Variants in MYO1D observed in about 807,000 individuals in gnomAD.
The protein encoded by MYO1D is myosin ID.
Under a neutral mutation model 122.0 loss-of-function variants are expected in MYO1D, and 83 were observed. That is an observed-to-expected ratio of 0.68 (90% CI 0.57 to 0.82). The LOEUF (loss-of-function observed/expected upper bound fraction) is 0.82. Ranked by LOEUF, MYO1D falls within the 40% of genes least tolerant of loss-of-function variation. MYO1D has a pLI of 0.00. For missense variants in MYO1D, 1,157 were observed against 1,269.5 expected, an observed-to-expected ratio of 0.91 and a Z score of 1.35; for synonymous variants, 464 against 446.9, an observed-to-expected ratio of 1.04 and a Z score of -0.48.
chr17:32,637,561 C>T (rs773288426), intron 20 of MYO1D, among the ~76,000 whole-genome samples: 1 of 152,122 alleles, frequency 6.6e-6, no homozygotes, highest in Non-Finnish European at 1.5e-5. Context: ...ATCCCAGCTA[C>T]TCAGGAGGCA....
intron 20 of MYO1D, among the ~76,000 whole-genome samples, chr17:32,618,268 C>T (rs544549711): frequency 6.6e-6 from 1 of 152,258 alleles, no homozygotes; most frequent in South Asian, 2.1e-4. Flanking sequence ...TTATTCAGGT[C>T]AAGGAAAATA....
intron 1 of MYO1D, among the ~76,000 whole-genome samples, chr17:32,849,704 C>T (rs1201333598): frequency 6.6e-6 from 1 of 151,776 alleles, no homozygotes; most frequent in Non-Finnish European, 1.5e-5. Flanking sequence ...GGGAGATATA[C>T]CTAATGCTAG....
At chr17:32,781,505 G>A (rs1426899293) in intron 1 of MYO1D, among the ~76,000 whole-genome samples, 1 of 152,086 alleles carries the variant, frequency 6.6e-6, no homozygotes. Flanking sequence ...TATTTTTAAA[G>A]TATATATAAT....
chr17:32,803,609 T>C (rs1370999382), intron 1 of MYO1D, among the ~76,000 whole-genome samples: 1 of 152,206 alleles, frequency 6.6e-6, no homozygotes, highest in Non-Finnish European at 1.5e-5. Context: ...GTAATAATCA[T>C]TCCCAGTTAA....
intron 1 of MYO1D, among the ~76,000 whole-genome samples, chr17:32,867,013 C>T (rs113593260): frequency 0.034 from 5,230 of 152,208 alleles, 301 homozygotes; most frequent in African/African-American, 0.12. Context: ...ATATTGTCAT[C>T]AGTTCTCTTT....
At chr17:32,642,366 A>T (rs1273515711) in intron 19 of MYO1D, among the ~76,000 whole-genome samples, 2 of 152,166 alleles carry the variant, frequency 1.3e-5, no homozygotes, top group Admixed American at 1.3e-4. Flanking sequence ...AGGTAGCGTG[A>T]CGCCTCCAGC....
At chr17:32,788,116 T>G (rs1375901247) in intron 1 of MYO1D, among the ~76,000 whole-genome samples, 2 of 152,208 alleles carry the variant, frequency 1.3e-5, no homozygotes, top group Non-Finnish European at 2.9e-5. Flanking sequence ...AGATACCCAG[T>G]AGTGGGATTA....
At chr17:32,675,333 A>G (rs1401292214) in intron 16 of MYO1D, among the ~76,000 whole-genome samples, 1 of 152,216 alleles carries the variant, frequency 6.6e-6, no homozygotes, top group Non-Finnish European at 1.5e-5. Context: ...TATGGTCTTC[A>G]TAATTAATTA....
chr17:32,630,997 T>C (rs1458344551), intron 20 of MYO1D, among the ~76,000 whole-genome samples: 1 of 152,320 alleles, frequency 6.6e-6, no homozygotes, highest in South Asian at 2.1e-4. Flanking sequence ...CCAGTCATAC[T>C]GGATTAGGGC....
intron 1 of MYO1D, among the ~76,000 whole-genome samples, chr17:32,792,743 A>G (rs2050996553): frequency 1.3e-5 from 2 of 152,144 alleles, no homozygotes; most frequent in African/African-American, 4.8e-5. Context: ...CCTGGGCTCA[A>G]GTGGTTCTTC....
intron 7 of MYO1D, among the ~76,000 whole-genome samples, chr17:32,765,795 T>C (rs2090050073): frequency 6.6e-6 from 1 of 152,126 alleles, no homozygotes; most frequent in Non-Finnish European, 1.5e-5. Context: ...ACAATTGATT[T>C]TGGTACATGG....
intron 11 of MYO1D, among the ~76,000 whole-genome samples, chr17:32,749,859 G>A (rs2089880527): frequency 1.3e-5 from 2 of 152,172 alleles, no homozygotes; most frequent in Admixed American, 1.3e-4. Context: ...CCATACTGAA[G>A]GCTTACTAGT....
chr17:32,655,254 C>T (rs2088459805), intron 17 of MYO1D, among the ~76,000 whole-genome samples: 1 of 152,118 alleles, frequency 6.6e-6, no homozygotes, highest in African/African-American at 2.4e-5. Flanking sequence ...TTTCTAGGTG[C>T]CTGCTAAACT....
intron 11 of MYO1D, 37 bp from the exon 12 acceptor site, chr17:32,749,043 C>T (rs1338670427): frequency 6.4e-7 from 1 of 1,555,080 alleles, no homozygotes; most frequent in Non-Finnish European, 8.9e-7. Flanking sequence ...TGAAAACAGA[C>T]ATTTTTGCTT....
intron 15 of MYO1D, 69 bp from the exon 16 acceptor site, chr17:32,712,264 T>C: frequency 8.5e-6 from 12 of 1,409,710 alleles, no homozygotes; most frequent in Non-Finnish European, 1.2e-5. Context: ...AACTATTCAA[T>C]AAAATGCAAG....
intron 21 of MYO1D, chr17:32,602,789 T>A (rs1252961598): frequency 1.3e-5 from 2 of 152,192 alleles, no homozygotes; most frequent in African/African-American, 4.8e-5. Context: ...AACCTTTGGA[T>A]TTCCATAATT....
intron 1 of MYO1D, among the ~76,000 whole-genome samples, chr17:32,797,163 G>T (rs2090423786): frequency 2.0e-5 from 3 of 152,102 alleles, no homozygotes; most frequent in South Asian, 4.1e-4. Flanking sequence ...TAGAGATGGG[G>T]TTTCACCATG....
At chr17:32,672,100 T>C (rs954789276) in intron 16 of MYO1D, among the ~76,000 whole-genome samples, 3 of 152,200 alleles carry the variant, frequency 2.0e-5, no homozygotes, top group Non-Finnish European at 4.4e-5. Context: ...GTGCCAGTCA[T>C]GTGCTGGGCT....
intron 13 of MYO1D, among the ~76,000 whole-genome samples, chr17:32,742,121 TACA>T (rs1393788312): frequency 6.6e-6 from 1 of 152,034 alleles, no homozygotes; most frequent in South Asian, 2.1e-4. Flanking sequence ...CTCTAAACAA[TACA>T]ACAACTATTT....
Sources: allele counts gnomAD v4.1 joint callset (sites outside exome capture counted in the v4.1 genomes callset), GRCh38; gene constraint gnomAD v4.1.1; transcripts MANE v1.5; gene names NCBI Gene and HGNC (gene_info 2026-07-23, HGNC 2026-07-21).